The following TMEM30A variants were observed in gnomAD, a reference collection of about 807,000 sequenced individuals.
TMEM30A encodes the protein cell cycle control protein 50A.
In TMEM30A, 24 loss-of-function variants were observed where a neutral mutation model predicts 38.2. The observed-to-expected ratio is 0.63, with a 90% CI of 0.46 to 0.88. TMEM30A has a LOEUF of 0.88. Ranked by LOEUF, TMEM30A falls within the 40% of genes least tolerant of loss-of-function variation. TMEM30A has a pLI of 0.00. For missense variants in TMEM30A, 370 were observed against 458.6 expected (o/e 0.81, Z 1.77); for synonymous variants, 145 against 161.6 (o/e 0.90, Z 0.78).
At position 75,266,433 on chromosome 6, in the gene TMEM30A, G is replaced by A. The variant is rs531489085; in HGVS notation, c.346-1095C>T. ...CTTTTTTAAAAGGAAATATTACCTC[G>A]AGATTCAGTACAGTAAATTCAATTT... On this transcript the variant is annotated intron_variant, in intron 2 of 6. Coordinates refer to ENST00000230461, the MANE Select transcript of TMEM30A (RefSeq NM_018247.4). Among the ~76,000 whole-genome samples, 4 of 152,170 alleles carry A rather than the reference G, an allele frequency of 2.6e-5. No homozygotes were observed. The East Asian group carries it at 5.8e-4, about 22-fold the overall frequency.
intron 1 of TMEM30A, among the ~76,000 whole-genome samples, chr6:75,280,948 A>T (rs1336000455): frequency 6.6e-6 from 1 of 152,156 alleles, no homozygotes; most frequent in Non-Finnish European, 1.5e-5. Flanking sequence ...AAAAACATAC[A>T]TAAAAATTTT....
intron 1 of TMEM30A, among the ~76,000 whole-genome samples, chr6:75,283,526 T>A (rs952065510): frequency 6.6e-6 from 1 of 152,150 alleles, no homozygotes; most frequent in Non-Finnish European, 1.5e-5. Context: ...ATACTGTGCT[T>A]TCGACAAAGA....
chr6:75,270,053 C>T (rs1170454683), intron 1 of TMEM30A, among the ~76,000 whole-genome samples: 1 of 152,170 alleles, frequency 6.6e-6, no homozygotes, highest in Non-Finnish European at 1.5e-5. Context: ...ATCCACCTGC[C>T]TTGGCCTCCC....
intron 3 of TMEM30A, among the ~76,000 whole-genome samples, chr6:75,264,821 G>A (rs1172354755): frequency 2.6e-5 from 4 of 151,982 alleles, no homozygotes; most frequent in Non-Finnish European, 5.9e-5. Flanking sequence ...CATGATACAG[G>A]CCAGGCATGG....
intron 1 of TMEM30A, among the ~76,000 whole-genome samples, chr6:75,282,431 A>G (rs1018828843): frequency 1.3e-5 from 2 of 152,220 alleles, no homozygotes; most frequent in Non-Finnish European, 2.9e-5. Flanking sequence ...TTTTTATACT[A>G]TAGTAAATAC....
intron 1 of TMEM30A, among the ~76,000 whole-genome samples, chr6:75,278,284 A>G (rs1310138224): frequency 6.6e-6 from 1 of 152,212 alleles, no homozygotes; most frequent in Admixed American, 6.5e-5. Context: ...CCTGTGTTGC[A>G]GAGACTGCTA....
intron 1 of TMEM30A, among the ~76,000 whole-genome samples, chr6:75,273,842 C>T (rs1357284037): frequency 6.6e-6 from 1 of 152,190 alleles, no homozygotes; most frequent in African/African-American, 2.4e-5. Context: ...TAATACCATT[C>T]AGATGACCAA....
intron 6 of TMEM30A, among the ~76,000 whole-genome samples, chr6:75,257,815 T>C (rs1021601920): frequency 3.3e-5 from 5 of 152,214 alleles, no homozygotes; most frequent in Non-Finnish European, 7.3e-5. Context: ...AAAACCCATA[T>C]GGATTATGAC....
chr6:75,278,027 G>C (rs1772291131), intron 1 of TMEM30A, among the ~76,000 whole-genome samples: 1 of 152,114 alleles, frequency 6.6e-6, no homozygotes, highest in Non-Finnish European at 1.5e-5. Flanking sequence ...GAGGAAGATG[G>C]TGATATTCAA....
intron 2 of TMEM30A, 50 bp downstream of exon 2, chr6:75,267,591 A>G: frequency 1.6e-6 from 2 of 1,288,480 alleles, no homozygotes; most frequent in Non-Finnish European, 2.2e-6. Context: ...GTACAGTATC[A>G]GTATTTTTTA....
chr6:75,273,543 A>ATTTCTCCAT lies in TMEM30A; in HGVS notation c.238-5804_238-5796dup, dbSNP rs1006806861. On this transcript the variant is annotated intron_variant, in intron 1 of 6. Coordinates refer to ENST00000230461, the MANE Select transcript of TMEM30A (RefSeq NM_018247.4). ...TACAAGCTAGTCTAGTAGTCAGCAA[A>ATTTCTCCAT]TTTCTCCATGAAAGCTGCCGAGTAG... 4.6e-5 allele frequency among the ~76,000 whole-genome samples: 7 copies of ATTTCTCCAT among 152,078 alleles called. No individual in the cohort carries two copies. The South Asian group carries it at 6.2e-4, about 13-fold the overall frequency.
At chr6:75,282,389 A>G (rs1772373833) in intron 1 of TMEM30A, among the ~76,000 whole-genome samples, 1 of 152,164 alleles carries the variant, frequency 6.6e-6, no homozygotes, top group Non-Finnish European at 1.5e-5. Context: ...TTACTCCAAA[A>G]CCCAAAGATT....
At chr6:75,269,303 A>C (rs1447559440) in intron 1 of TMEM30A, among the ~76,000 whole-genome samples, 2 of 152,120 alleles carry the variant, frequency 1.3e-5, no homozygotes, top group East Asian at 1.9e-4. Flanking sequence ...TGTACTCTAT[A>C]TCCCTCTCTC....
intron 1 of TMEM30A, 66 bp from the exon 2 acceptor site, chr6:75,267,814 G>A (rs1314545481): frequency 3.7e-6 from 4 of 1,084,658 alleles, no homozygotes; most frequent in African/African-American, 1.6e-5. Flanking sequence ...ACTCTGAAAC[G>A]ACTTGCTATT....
At chr6:75,259,524 T>C (rs776707498) in intron 4 of TMEM30A, 34 bp from the exon 5 acceptor site, 1 of 1,553,750 alleles carries the variant, frequency 6.4e-7, no homozygotes, top group Admixed American at 2.0e-5. Context: ...TTACTAACTA[T>C]CTCTTGAAAA....
intron 1 of TMEM30A, among the ~76,000 whole-genome samples, chr6:75,274,164 A>G (rs1772221845): frequency 6.6e-6 from 1 of 152,224 alleles, no homozygotes; most frequent in South Asian, 2.1e-4. Context: ...TAGGAACTGC[A>G]TGTGAAAATG....
intron 1 of TMEM30A, among the ~76,000 whole-genome samples, chr6:75,274,057 A>G (rs1772218890): frequency 6.6e-6 from 1 of 152,246 alleles, no homozygotes; most frequent in East Asian, 1.9e-4. Flanking sequence ...AGGATAATAT[A>G]ATTTTAAGGC....
intron 1 of TMEM30A, among the ~76,000 whole-genome samples, chr6:75,272,276 C>A (rs1213171041): frequency 1.3e-5 from 2 of 152,232 alleles, no homozygotes; most frequent in African/African-American, 4.8e-5. Flanking sequence ...TACTCTAAAG[C>A]CTCCTATCAA....
rs993911289 is a variant in TMEM30A, at chr6:75,254,587, C to T, written c.*1515G>A. 6.6e-6 allele frequency: 1 copy of T among 151,956 alleles called. No individual in the cohort carries two copies. The highest frequency in any genetic ancestry group is 2.4e-5 in the African/African-American group (1 of 41,396). 9.4% of individuals were successfully genotyped at this position (151,956 alleles called of 1,614,324 possible). A position where few individuals can be genotyped will look rare whatever the true frequency, so the allele number is the denominator to read the frequency against. On this transcript the variant is annotated 3_prime_UTR_variant, in exon 7 of 7. Coordinates refer to ENST00000230461, the MANE Select transcript of TMEM30A (RefSeq NM_018247.4). ...GGCACATTTCTACTATTAACCATTA[C>T]ATTGTTTTTTGTTTTTTAAAAAAAG... is the stretch of plus-strand genomic sequence containing the variant.
Sources: allele counts gnomAD v4.1 joint callset (sites outside exome capture counted in the v4.1 genomes callset), GRCh38; gene constraint gnomAD v4.1.1; transcripts MANE v1.5; gene names NCBI Gene and HGNC (gene_info 2026-07-23, HGNC 2026-07-21).